Variants in TMCO5A observed in about 807,000 individuals in gnomAD.
TMCO5A encodes transmembrane and coiled-coil domain-containing protein 5A.
Under a neutral mutation model 42.3 loss-of-function variants are expected in TMCO5A, and 34 were observed. The observed-to-expected ratio is 0.80, with a 90% CI of 0.61 to 1.07. TMCO5A has a LOEUF of 1.07. Among genes scored for constraint, TMCO5A ranks in the 50% least tolerant of loss-of-function variants. TMCO5A has a pLI of 0.00. For synonymous variants in TMCO5A, 131 were observed against 115.6 expected, an observed-to-expected ratio of 1.13 and a Z score of -0.86; for missense variants, 357 against 327.9, an observed-to-expected ratio of 1.09 and a Z score of -0.69.
downstream of TMCO5A, among the ~76,000 whole-genome samples, chr15:37,970,095 G>T (rs1438134849): frequency 6.6e-6 from 1 of 152,160 alleles, no homozygotes; most frequent in East Asian, 1.9e-4. Context: ...TTGAGAAATT[G>T]CCACACTGCT....
chr15:37,951,894 T>C (rs1241101221), downstream of TMCO5A, among the ~76,000 whole-genome samples: 1 of 152,010 alleles, frequency 6.6e-6, no homozygotes, highest in Non-Finnish European at 1.5e-5. Flanking sequence ...ACACCCCCCC[T>C]TTCCCATCCT....
the TMCO5A span, among the ~76,000 whole-genome samples, chr15:37,980,910 ATTTAT>A: frequency 5.9e-5 from 9 of 152,154 alleles, no homozygotes; most frequent in Non-Finnish European, 1.2e-4. Context: ...TTTAGAATCA[ATTTAT>A]TTTAAGAAAA....
chr15:37,998,789 G>C, the TMCO5A span, among the ~76,000 whole-genome samples: 1 of 152,150 alleles, frequency 6.6e-6, no homozygotes, highest in Non-Finnish European at 1.5e-5. Flanking sequence ...GCTTTAGGTA[G>C]TATGGACATT....
At chr15:38,002,780 T>C in the TMCO5A span, among the ~76,000 whole-genome samples, 1 of 152,280 alleles carries the variant, frequency 6.6e-6, no homozygotes, top group South Asian at 2.1e-4. Flanking sequence ...CAAATTTTGT[T>C]GAGACTCCTC....
chr15:38,019,778 T>A, the TMCO5A span, among the ~76,000 whole-genome samples: 6 of 151,532 alleles, frequency 4.0e-5, no homozygotes, highest in Non-Finnish European at 8.8e-5. Flanking sequence ...GGCTAATTTT[T>A]TTTTTTTTTT....
At chr15:37,957,754 T>C (rs1461521057) in intron 11 of TMCO5A, among the ~76,000 whole-genome samples, 1 of 152,016 alleles carries the variant, frequency 6.6e-6, no homozygotes, top group African/African-American at 2.4e-5. Flanking sequence ...AAATTTCATA[T>C]GGAACCAAAA....
chr15:37,982,618 A>G, the TMCO5A span, among the ~76,000 whole-genome samples: 1 of 85,062 alleles, frequency 1.2e-5, no homozygotes, highest in African/African-American at 9.1e-5. Flanking sequence ...ATAATTATAT[A>G]TTATATCTAA....
chr15:38,011,045 C>A, the TMCO5A span, among the ~76,000 whole-genome samples: 1 of 152,206 alleles, frequency 6.6e-6, no homozygotes, highest in African/African-American at 2.4e-5. Flanking sequence ...CTGCACCCAG[C>A]ATCTTTTATG....
At chr15:38,027,001 G>C in the TMCO5A span, among the ~76,000 whole-genome samples, 1 of 152,186 alleles carries the variant, frequency 6.6e-6, no homozygotes, top group Non-Finnish European at 1.5e-5. Flanking sequence ...TGCTGCAGGG[G>C]TGGGGAGTTC....
Position 37,947,650 on chromosome 15 carries a change from T to A in TMCO5A, c.628-6T>A. On this transcript the variant is annotated splice_polypyrimidine_tract_variant and splice_region_variant and intron_variant, in intron 10 of 11. Transcript: ENST00000319669. The stretch of plus-strand genomic sequence containing the variant: ...GCTTATTTATCAATATCCTTTCTTC[T>A]TCCAGGGTACTCCTACCCAAAAGAC... 2 of 1,591,216 alleles carry A rather than the reference T, an allele frequency of 1.3e-6. No individual in the cohort carries two copies. Among genetic ancestry groups the A allele is most frequent in the Non-Finnish European group, 1.7e-6 (2 of 1,163,868 alleles).
chr15:38,011,923 G>C, the TMCO5A span, among the ~76,000 whole-genome samples: 1 of 152,062 alleles, frequency 6.6e-6, no homozygotes, highest in Non-Finnish European at 1.5e-5. Flanking sequence ...ATGAGATCGA[G>C]ACCACCCTGG....
chr15:38,015,056 C>A, the TMCO5A span, among the ~76,000 whole-genome samples: 2 of 151,296 alleles, frequency 1.3e-5, no homozygotes, highest in Admixed American at 6.6e-5. Flanking sequence ...ATGTAGACTG[C>A]GAGGCTAGGC....
At chr15:37,945,065 C>A (rs1343522923) in intron 10 of TMCO5A, among the ~76,000 whole-genome samples, 1 of 152,036 alleles carries the variant, frequency 6.6e-6, no homozygotes, top group African/African-American at 2.4e-5. Context: ...TGTGTTGTTC[C>A]CCTGCATGTG....
intron 5 of TMCO5A, among the ~76,000 whole-genome samples, chr15:37,937,889 G>A (rs548235295): frequency 6.6e-6 from 1 of 152,066 alleles, no homozygotes; most frequent in Non-Finnish European, 1.5e-5. Context: ...GCCTTCTACT[G>A]TAGGGGGCTG....
the TMCO5A span, among the ~76,000 whole-genome samples, chr15:37,982,636 TATAG>T: frequency 8.6e-6 from 1 of 116,322 alleles, no homozygotes; most frequent in African/African-American, 4.0e-5. Context: ...TAACATATAA[TATAG>T]ATATATAGTA....
At chr15:37,972,338 C>G (rs186343922), downstream of TMCO5A, among the ~76,000 whole-genome samples, 12 of 152,312 alleles carry the variant, frequency 7.9e-5, no homozygotes, top group African/African-American at 2.6e-4. Flanking sequence ...CCTCCCACAA[C>G]CCGTGGGAAT....
intron 11 of TMCO5A, among the ~76,000 whole-genome samples, chr15:37,963,203 C>A (rs932257795): frequency 4.6e-5 from 7 of 152,176 alleles, no homozygotes; most frequent in African/African-American, 1.7e-4. Context: ...ATAAACTTTC[C>A]TCTTAGCACC....
the TMCO5A span, among the ~76,000 whole-genome samples, chr15:38,014,074 G>A: frequency 6.6e-6 from 1 of 152,158 alleles, no homozygotes; most frequent in Non-Finnish European, 1.5e-5. Context: ...AAGGACTGTT[G>A]CAATTACATT....
chr15:38,019,101 G>A, the TMCO5A span, among the ~76,000 whole-genome samples: 1 of 152,028 alleles, frequency 6.6e-6, no homozygotes, highest in Non-Finnish European at 1.5e-5. Flanking sequence ...TCTGTAAAAT[G>A]AAAAATAAAT....
Sources: allele counts gnomAD v4.1 joint callset (sites outside exome capture counted in the v4.1 genomes callset), GRCh38; gene constraint gnomAD v4.1.1; transcripts MANE v1.5; gene names NCBI Gene and HGNC (gene_info 2026-07-23, HGNC 2026-07-21).